Variants in GRIK4 observed in about 807,000 individuals in gnomAD.
The protein encoded by GRIK4 is glutamate receptor ionotropic, kainate 4.
A neutral mutation model predicts 104.9 loss-of-function variants in GRIK4; 40 were observed. The observed-to-expected ratio is 0.38, with a 90% CI of 0.30 to 0.50. The LOEUF is 0.50. Ranked by LOEUF, GRIK4 falls within the 20% of genes least tolerant of loss-of-function variation. The probability of loss-of-function intolerance (pLI) is 0.93; values close to 1 mark genes in which losing one functional copy is unlikely to be tolerated. For missense variants in GRIK4, 1,047 were observed against 1,308.1 expected, an observed-to-expected ratio of 0.80 and a Z score of 3.08; for synonymous variants, 485 against 524.9, an observed-to-expected ratio of 0.92 and a Z score of 1.04.
chr11:120,901,282 G>A (rs572952260), intron 12 of GRIK4, among the ~76,000 whole-genome samples: 1 of 152,040 alleles, frequency 6.6e-6, no homozygotes, highest in Non-Finnish European at 1.5e-5. Flanking sequence ...CATGCAGCAT[G>A]GGGTCTAGTG....
chr11:120,921,009 T>C (rs750432061), intron 13 of GRIK4, among the ~76,000 whole-genome samples: 1 of 152,178 alleles, frequency 6.6e-6, no homozygotes, highest in African/African-American at 2.4e-5. Flanking sequence ...CGCCTTCTTC[T>C]TTCAAAAACC....
chr11:120,880,450 C>T (rs1954935905), intron 11 of GRIK4, among the ~76,000 whole-genome samples: 1 of 152,228 alleles, frequency 6.6e-6, no homozygotes, highest in South Asian at 2.1e-4. Flanking sequence ...TACATTCATA[C>T]AGCCAGTAAG....
chr11:120,749,467 TGTG>T (rs765761644), intron 3 of GRIK4, among the ~76,000 whole-genome samples: 1 of 152,310 alleles, frequency 6.6e-6, no homozygotes, highest in East Asian at 1.9e-4. Context: ...CTTCTGTCCT[TGTG>T]CCACCCACTT....
At chr11:120,923,375 G>A (rs994334743) in intron 13 of GRIK4, among the ~76,000 whole-genome samples, 3 of 149,284 alleles carry the variant, frequency 2.0e-5, no homozygotes, top group African/African-American at 7.4e-5. Flanking sequence ...CTGAGCACTT[G>A]CCCCATGCTA....
At chr11:120,649,883 C>G (rs182679930) in intron 1 of GRIK4, among the ~76,000 whole-genome samples, 3 of 152,248 alleles carry the variant, frequency 2.0e-5, no homozygotes, top group African/African-American at 7.2e-5. Flanking sequence ...GTGGGCACCC[C>G]TTCTGCCAGG....
At chr11:120,793,880 T>A (rs1238871806) in intron 3 of GRIK4, among the ~76,000 whole-genome samples, 1 of 146,432 alleles carries the variant, frequency 6.8e-6, no homozygotes, top group Non-Finnish European at 1.5e-5. Flanking sequence ...CAGGTGATGG[T>A]TGGAGGAGAA....
At chr11:120,981,766 GTCTC>G (rs1340575509) in intron 19 of GRIK4, among the ~76,000 whole-genome samples, 1 of 152,124 alleles carries the variant, frequency 6.6e-6, no homozygotes, top group Admixed American at 6.5e-5. Flanking sequence ...TTGGTGTCAT[GTCTC>G]TCTCTATAAG....
At chr11:120,605,230 A>T (rs1427573823) in intron 1 of GRIK4, among the ~76,000 whole-genome samples, 2 of 152,180 alleles carry the variant, frequency 1.3e-5, no homozygotes, top group Non-Finnish European at 2.9e-5. Flanking sequence ...CTTGTCAGTG[A>T]TGGCTGTTAA....
rs180671247 is a variant in GRIK4, at chr11:120,950,332, T to C, written c.1591-2523T>C. ...TGTGATGTTCTCTGTTTTATAACTTTGGTCTCTAGGAATTTTTCCCACAGC... is the reference window on the plus strand; with the variant it reads ...TGTGATGTTCTCTGTTTTATAACTTCGGTCTCTAGGAATTTTTCCCACAGC... On this transcript the variant is annotated intron_variant, in intron 14 of 20. Transcript: ENST00000527524. Among the ~76,000 whole-genome samples the C allele has an allele frequency of 1.6e-3, 238 of 152,380 alleles. 1 individual carries two copies. The highest frequency in any genetic ancestry group is 5.2e-3 in the African/African-American group (217 of 41,598).
chr11:120,973,427 C>G (rs1410213479), intron 19 of GRIK4, among the ~76,000 whole-genome samples: 1 of 152,194 alleles, frequency 6.6e-6, no homozygotes. Context: ...GGAAAATAAA[C>G]AGTGGAAGTC....
At chr11:120,874,554 G>A (rs539342269) in intron 10 of GRIK4, among the ~76,000 whole-genome samples, 231 of 152,330 alleles carry the variant, frequency 1.5e-3, no homozygotes, top group Non-Finnish European at 2.7e-3. Context: ...GCTGGGAAAG[G>A]GTGGTGCTGC....
In GRIK4 at chr11:120,741,436, G is replaced by A. The variant is rs561274084; in HGVS notation, c.83-61257G>A. Reference sequence around the variant, plus strand: ...TGGGACTACAGGCACGCACCACCACGCCCAGCTAATTTTTGTATTTTTTAG... The same window carrying A: ...TGGGACTACAGGCACGCACCACCACACCCAGCTAATTTTTGTATTTTTTAG... On this transcript the variant is annotated intron_variant, in intron 3 of 20. Transcript: ENST00000527524. Among the ~76,000 whole-genome samples the A allele has an allele frequency of 1.7e-3, 262 of 151,870 alleles. 3 individuals carry two copies. The highest frequency in any genetic ancestry group is 5.9e-3 in the African/African-American group (244 of 41,454).
intron 13 of GRIK4, among the ~76,000 whole-genome samples, chr11:120,921,481 T>A (rs1463006989): frequency 6.6e-6 from 1 of 152,180 alleles, no homozygotes; most frequent in Non-Finnish European, 1.5e-5. Flanking sequence ...TTTCGGAAGA[T>A]CCTTTTGCTA....
At chr11:120,726,933 A>T (rs1186380998) in intron 3 of GRIK4, among the ~76,000 whole-genome samples, 1 of 152,220 alleles carries the variant, frequency 6.6e-6, no homozygotes, top group Non-Finnish European at 1.5e-5. Flanking sequence ...TGACGGGAGT[A>T]TTTCCATGAA....
intron 1 of GRIK4, among the ~76,000 whole-genome samples, chr11:120,631,015 A>C (rs967368320): frequency 3.9e-5 from 6 of 152,220 alleles, no homozygotes; most frequent in African/African-American, 1.2e-4. Flanking sequence ...TGTCATTTAC[A>C]AGCTGGGTCA....
Position 120,985,915 on chromosome 11 carries a change from C to T in GRIK4, c.2526C>T (p.Cys842=), listed in dbSNP as rs1482647698. 1.9e-6 allele frequency: 3 copies of T among 1,551,710 alleles called. No individual in the cohort carries two copies. Among genetic ancestry groups the T allele is most frequent in the Non-Finnish European group, 2.6e-6 (3 of 1,147,644 alleles). ...GCTGTCTCCTCCAGGTGTCCGTCTG[C>T]CAGGAGATGGTGACCGAGCTGCGCA... ...RHSEATEVSV[C]QEMVTELRSI... The change falls in exon 21 of 21, where the codon TGC becomes TGT. Residue 842 remains cysteine (C), a synonymous_variant. Coordinates refer to ENST00000527524, the MANE Select transcript of GRIK4 (RefSeq NM_014619.5).
intron 13 of GRIK4, among the ~76,000 whole-genome samples, chr11:120,916,590 A>G (rs971487650): frequency 5.3e-5 from 8 of 152,242 alleles, no homozygotes; most frequent in South Asian, 2.1e-4. Flanking sequence ...AAATGCTCCA[A>G]TGTCTGAAAC....
chr11:120,920,050 G>A (rs760490932), intron 13 of GRIK4, among the ~76,000 whole-genome samples: 3 of 152,084 alleles, frequency 2.0e-5, no homozygotes, highest in Non-Finnish European at 4.4e-5. Flanking sequence ...AAAATGGGAG[G>A]AATGTGCCCA....
intron 13 of GRIK4, among the ~76,000 whole-genome samples, chr11:120,920,430 A>G (rs1037331492): frequency 5.9e-5 from 9 of 152,120 alleles, no homozygotes; most frequent in African/African-American, 2.2e-4. Flanking sequence ...CCCCTGGGAC[A>G]TGCTCATCCA....
Sources: allele counts gnomAD v4.1 joint callset (sites outside exome capture counted in the v4.1 genomes callset), GRCh38; gene constraint gnomAD v4.1.1; transcripts MANE v1.5; gene names NCBI Gene and HGNC (gene_info 2026-07-23, HGNC 2026-07-21).